Variants in PPM1H observed in about 807,000 individuals in gnomAD.
PPM1H encodes the protein protein phosphatase 1H.
Under a neutral mutation model 54.9 loss-of-function variants are expected in PPM1H, and 27 were observed. The ratio of observed to expected loss-of-function variants is 0.49; its 90% CI spans 0.36 to 0.68. PPM1H has a LOEUF of 0.68. PPM1H is among the 30% of genes least tolerant of loss of function. PPM1H has a pLI of 0.00. For synonymous variants in PPM1H, 305 were observed against 270.8 expected (o/e 1.13, Z -1.24); for missense variants, 596 against 667.8 (o/e 0.89, Z 1.19).
At chr12:62,712,116 C>T (rs2076210782) in intron 6 of PPM1H, among the ~76,000 whole-genome samples, 1 of 152,232 alleles carries the variant, frequency 6.6e-6, no homozygotes, top group South Asian at 2.1e-4. Context: ...AGGCCCCTCC[C>T]CATGTGGGGC....
At chr12:62,674,312 A>T (rs184169543) in intron 8 of PPM1H, among the ~76,000 whole-genome samples, 4 of 152,336 alleles carry the variant, frequency 2.6e-5, no homozygotes, top group Admixed American at 2.0e-4. Context: ...GTTTCCTGGC[A>T]GAAATAGCCA....
chr12:62,666,292 G>C (rs748071454), intron 9 of PPM1H, among the ~76,000 whole-genome samples: 3 of 152,068 alleles, frequency 2.0e-5, no homozygotes, highest in Non-Finnish European at 2.9e-5. Context: ...AGTATTTACA[G>C]GTCCAATTCT....
intron 6 of PPM1H, among the ~76,000 whole-genome samples, chr12:62,694,292 G>A (rs1373741639): frequency 6.6e-6 from 1 of 152,176 alleles, no homozygotes; most frequent in Admixed American, 6.5e-5. Context: ...TAATAATGAA[G>A]TGACCCAGCA....
chr12:62,871,654 A>G (rs1454809269), intron 1 of PPM1H, among the ~76,000 whole-genome samples: 1 of 151,758 alleles, frequency 6.6e-6, no homozygotes, highest in Non-Finnish European at 1.5e-5. Context: ...AGCTGGGACT[A>G]CAGGCATGTG....
intron 8 of PPM1H, among the ~76,000 whole-genome samples, chr12:62,683,318 A>G (rs935764575): frequency 6.6e-6 from 1 of 152,114 alleles, no homozygotes; most frequent in Non-Finnish European, 1.5e-5. Context: ...CACGTACCAC[A>G]TCTTGTTCTC....
At chr12:62,905,302 G>A (rs1012837193) in intron 1 of PPM1H, among the ~76,000 whole-genome samples, 1 of 152,176 alleles carries the variant, frequency 6.6e-6, no homozygotes, top group African/African-American at 2.4e-5. Context: ...ATATCTTGGG[G>A]CGGGGAAAGT....
chr12:62,897,861 CTGAAG>C (rs1161820400), intron 1 of PPM1H, among the ~76,000 whole-genome samples: 4 of 152,170 alleles, frequency 2.6e-5, no homozygotes, highest in Non-Finnish European at 4.4e-5. Flanking sequence ...TACTGCCAAA[CTGAAG>C]TGATGTGGGG....
chr12:62,651,057 C>G (rs12227492), intron 9 of PPM1H, among the ~76,000 whole-genome samples: 24,753 of 152,162 alleles, frequency 0.16, 2,390 homozygotes, highest in Middle Eastern at 0.28. Context: ...GTTCAGAAAC[C>G]TGGCTAAGTT....
intron 1 of PPM1H, among the ~76,000 whole-genome samples, chr12:62,907,917 A>G (rs1348710706): frequency 1.3e-5 from 2 of 152,226 alleles, no homozygotes; most frequent in African/African-American, 4.8e-5. Flanking sequence ...CAGAGTGTAA[A>G]GGCTTTAAAA....
chr12:62,808,922 A>G (rs2076820417), intron 2 of PPM1H, among the ~76,000 whole-genome samples: 2 of 152,212 alleles, frequency 1.3e-5, no homozygotes, highest in Non-Finnish European at 2.9e-5. Context: ...TAAAAGGCTC[A>G]TGAAGGACTG....
intron 9 of PPM1H, among the ~76,000 whole-genome samples, chr12:62,661,025 CTCATGAGA>C (rs577952502): frequency 1.0e-3 from 158 of 152,282 alleles, no homozygotes; most frequent in African/African-American, 3.7e-3. Context: ...CGTTCATGAT[CTCATGAGA>C]TCATGGGCCC....
At chr12:62,887,540 T>C (rs1170643899) in intron 1 of PPM1H, among the ~76,000 whole-genome samples, 1 of 152,220 alleles carries the variant, frequency 6.6e-6, no homozygotes, top group East Asian at 1.9e-4. Flanking sequence ...TTAAGCACTA[T>C]ACTAAGTGCT....
rs558794193 is a variant in PPM1H, at chr12:62,876,059, G to A, written c.246-43780C>T. On this transcript the variant is annotated intron_variant, in intron 1 of 9. Coordinates refer to ENST00000228705, the MANE Select transcript of PPM1H (RefSeq NM_020700.2). The stretch of plus-strand genomic sequence containing the variant: ...AAGCTGCAACTTGAATGGTAACACA[G>A]AAGGCAAGATTCTCACATCTCTGGT... 2.1e-3 allele frequency among the ~76,000 whole-genome samples: 322 copies of A among 152,334 alleles called. 1 individual carries two copies. The highest frequency in any genetic ancestry group is 7.2e-3 in the African/African-American group (299 of 41,590).
intron 3 of PPM1H, among the ~76,000 whole-genome samples, chr12:62,790,300 G>C (rs773186907): frequency 1.3e-5 from 2 of 152,246 alleles, no homozygotes; most frequent in Non-Finnish European, 2.9e-5. Flanking sequence ...ATGGAAGCCA[G>C]GCACGGTGGC....
chr12:62,920,530 C>T (rs1871762564), intron 1 of PPM1H, among the ~76,000 whole-genome samples: 1 of 143,310 alleles, frequency 7.0e-6, no homozygotes, highest in Non-Finnish European at 1.5e-5. Context: ...CTATGTTGCT[C>T]AGGCTGGTCT....
intron 2 of PPM1H, among the ~76,000 whole-genome samples, chr12:62,811,743 C>T (rs11174665): frequency 0.065 from 9,966 of 152,182 alleles, 441 homozygotes; most frequent in Middle Eastern, 0.12. Context: ...TTTCCGCCAC[C>T]ATGTGAAGAA....
At chr12:62,682,980 T>C (rs2076028248) in intron 8 of PPM1H, among the ~76,000 whole-genome samples, 1 of 150,508 alleles carries the variant, frequency 6.6e-6, no homozygotes, top group South Asian at 2.1e-4. Context: ...TACCACTAAT[T>C]TATTATTTAT....
chr12:62,793,740 CAAAAAAAA>C (rs34457644), intron 3 of PPM1H, among the ~76,000 whole-genome samples: 2 of 61,200 alleles, frequency 3.3e-5, no homozygotes, highest in Non-Finnish European at 6.5e-5. Context: ...AACTCCGTTT[CAAAAAAAA>C]AAAAAAAAAA....
intron 1 of PPM1H, among the ~76,000 whole-genome samples, chr12:62,856,284 G>C (rs1209763114): frequency 3.3e-5 from 5 of 152,132 alleles, no homozygotes; most frequent in African/African-American, 1.2e-4. Flanking sequence ...CAGAGGGTTT[G>C]CTTGGTTCTG....
Sources: allele counts gnomAD v4.1 joint callset (sites outside exome capture counted in the v4.1 genomes callset), GRCh38; gene constraint gnomAD v4.1.1; transcripts MANE v1.5; gene names NCBI Gene and HGNC (gene_info 2026-07-23, HGNC 2026-07-21).